Variants in PALM2AKAP2 observed in about 807,000 individuals in gnomAD.
PALM2AKAP2 encodes PALM2 and AKAP2 fusion.
PALM2AKAP2 carries 37 observed loss-of-function variants against 71.5 expected under a neutral mutation model. That is an observed-to-expected ratio of 0.52 (90% CI 0.40 to 0.68). PALM2AKAP2 has a LOEUF of 0.68. PALM2AKAP2 is among the 30% of genes least tolerant of loss of function. The probability of loss-of-function intolerance (pLI) is 0.00; values close to 1 mark genes in which losing one functional copy is unlikely to be tolerated. For missense variants in PALM2AKAP2, 1,224 were observed against 1,191.8 expected, an observed-to-expected ratio of 1.03 and a Z score of -0.40; for synonymous variants, 468 against 478.8, an observed-to-expected ratio of 0.98 and a Z score of 0.29.
rs191822355 is a variant in PALM2AKAP2, at chr9:109,870,365, T to C, written c.126+2794T>C. Among the ~76,000 whole-genome samples the C allele has an allele frequency of 7.7e-4, 118 of 152,328 alleles. 1 individual carries two copies. Among genetic ancestry groups the C allele is most frequent in the Non-Finnish European group, 1.0e-4 (7 of 68,024 alleles). ...CCCTGTAATCATCCAGTTTGCAGCC[T>C]AGTGGCCTCGCCCCTGGATGGAAGT... On this transcript the variant is annotated intron_variant, in intron 2 of 9. Coordinates refer to the PALM2AKAP2 transcript ENST00000302798.
intron 1 of PALM2AKAP2, among the ~76,000 whole-genome samples, chr9:110,079,813 TA>T (rs1834404551): frequency 6.6e-6 from 1 of 152,064 alleles, no homozygotes; most frequent in East Asian, 1.9e-4. Context: ...CTCACGCCTG[TA>T]ATCTCACCAC....
chr9:109,873,801 C>T (rs1389021881), intron 2 of PALM2AKAP2, among the ~76,000 whole-genome samples: 1 of 152,132 alleles, frequency 6.6e-6, no homozygotes, highest in Non-Finnish European at 1.5e-5. Flanking sequence ...ATCTGCCCCA[C>T]CCAGCCTCTC....
At chr9:109,672,107 C>G (rs1454576627) in intron 1 of PALM2AKAP2, among the ~76,000 whole-genome samples, 1 of 152,098 alleles carries the variant, frequency 6.6e-6, no homozygotes, top group African/African-American at 2.4e-5. Flanking sequence ...CTTTCTCTTG[C>G]CTGATTACCC....
At chr9:110,001,191 T>C (rs1832675200) in intron 6 of PALM2AKAP2, among the ~76,000 whole-genome samples, 1 of 152,242 alleles carries the variant, frequency 6.6e-6, no homozygotes, top group Non-Finnish European at 1.5e-5. Flanking sequence ...AATTTTTGTA[T>C]AAGGTGTAAG....
chr9:110,155,346 A>G (rs940407677), intron 2 of PALM2AKAP2, among the ~76,000 whole-genome samples: 3 of 152,236 alleles, frequency 2.0e-5, no homozygotes, highest in African/African-American at 4.8e-5. Flanking sequence ...CACAAAGGGC[A>G]TAATTGGAAA....
At chr9:110,146,312 CCAGCTGAATTCCCTGGTACAAG>C in intron 2 of PALM2AKAP2, among the ~76,000 whole-genome samples, 1 of 152,288 alleles carries the variant, frequency 6.6e-6, no homozygotes, top group East Asian at 1.9e-4. Context: ...ACGTTCCCCA[CCAGCTGAATTCCCTGGTACAAG>C]CAGGTTCTGC....
intron 7 of PALM2AKAP2, among the ~76,000 whole-genome samples, chr9:110,035,371 T>TATATTATATGTATA (rs1274397009): frequency 6.8e-5 from 5 of 73,866 alleles, no homozygotes; most frequent in African/African-American, 4.0e-4. Flanking sequence ...ATACATATTA[T>TATATTATATGTATA]ATACATATAT....
intron 6 of PALM2AKAP2, among the ~76,000 whole-genome samples, chr9:110,002,950 C>G (rs1324142546): frequency 6.6e-6 from 1 of 152,186 alleles, no homozygotes; most frequent in Non-Finnish European, 1.5e-5. Context: ...TGCTAGCGGT[C>G]TATCAATTTT....
At chr9:109,884,584 A>G (rs1327614413) in intron 3 of PALM2AKAP2, among the ~76,000 whole-genome samples, 1 of 152,190 alleles carries the variant, frequency 6.6e-6, no homozygotes, top group Non-Finnish European at 1.5e-5. Context: ...TGATCTTTAT[A>G]TAATAGGAAT....
At chr9:109,685,079 C>A (rs1443475755) in intron 1 of PALM2AKAP2, among the ~76,000 whole-genome samples, 1 of 152,026 alleles carries the variant, frequency 6.6e-6, no homozygotes, top group African/African-American at 2.4e-5. Context: ...CATTTATGTG[C>A]AATTCTAGAA....
In PALM2AKAP2 at chr9:110,088,358, CAG is replaced by C. The variant is rs1834619271; in HGVS notation, c.156+39506_156+39507del. Among the ~76,000 whole-genome samples, 4 of 152,316 alleles carry C rather than the reference CAG, an allele frequency of 2.6e-5. No homozygotes were observed. The South Asian group carries it at 8.3e-4, about 32-fold the overall frequency. The stretch of plus-strand genomic sequence containing the variant: ...CATCTGATTGTGGAAAGCAACCAAT[CAG>C]AGGCTGCAGTGAAGTTACAAAGTTA... On this transcript the variant is annotated intron_variant, in intron 1 of 3. Transcript: ENST00000374525.
At chr9:109,753,761 A>G (rs889417968) in intron 1 of PALM2AKAP2, among the ~76,000 whole-genome samples, 1 of 152,184 alleles carries the variant, frequency 6.6e-6, no homozygotes, top group Non-Finnish European at 1.5e-5. Context: ...AAAAGGATTA[A>G]CTAAGACTAA....
At chr9:110,032,542 T>A (rs1448086799) in intron 7 of PALM2AKAP2, among the ~76,000 whole-genome samples, 1 of 151,624 alleles carries the variant, frequency 6.6e-6, no homozygotes, top group East Asian at 1.9e-4. Flanking sequence ...AATACAAAAA[T>A]TAGCTGGGCA....
intron 7 of PALM2AKAP2, among the ~76,000 whole-genome samples, chr9:110,029,809 G>GTC (rs1390452813): frequency 2.0e-5 from 3 of 152,190 alleles, no homozygotes; most frequent in Admixed American, 1.3e-4. Context: ...GAACCAGTTT[G>GTC]TCTCTCCAGT....
At chr9:110,129,972 A>G (rs1835697665) in intron 1 of PALM2AKAP2, among the ~76,000 whole-genome samples, 1 of 152,168 alleles carries the variant, frequency 6.6e-6, no homozygotes, top group Non-Finnish European at 1.5e-5. Flanking sequence ...GGTTGGGGAA[A>G]GATTAGGGAG....
intron 6 of PALM2AKAP2, among the ~76,000 whole-genome samples, chr9:110,008,445 A>C (rs1010789184): frequency 6.6e-6 from 1 of 151,094 alleles, no homozygotes; most frequent in Non-Finnish European, 1.5e-5. Flanking sequence ...ATAATAATTA[A>C]ATTTATTTAA....
chr9:110,124,116 G>A (rs1019030413), intron 1 of PALM2AKAP2, among the ~76,000 whole-genome samples: 6 of 152,230 alleles, frequency 3.9e-5, no homozygotes. Flanking sequence ...TTTAGATGCT[G>A]TAAATAGTTG....
At position 109,764,152 on chromosome 9, in the gene PALM2AKAP2, C is replaced by A. The variant is rs547497434; in HGVS notation, c.6-16336C>A. On this transcript the variant is annotated intron_variant, in intron 1 of 6. Coordinates refer to the PALM2AKAP2 transcript ENST00000374531. ...CTCCTTGCCTGCAGTCTTCACACAG[C>A]AACCCATTCTCAGTAAAGTATCCCC... Among the ~76,000 whole-genome samples the A allele has an allele frequency of 2.8e-4, 42 of 152,288 alleles. 1 individual carries two copies. The South Asian group carries it at 7.0e-3, about 26-fold the overall frequency.
chr9:109,906,323 C>T (rs926965483), intron 3 of PALM2AKAP2, among the ~76,000 whole-genome samples: 3 of 152,196 alleles, frequency 2.0e-5, no homozygotes, highest in East Asian at 3.8e-4. Context: ...CTCAGCCTCC[C>T]CAGTAGCTGG....
Sources: gnomAD v4.1 joint callset for allele counts (sites outside exome capture counted in the v4.1 genomes callset) on GRCh38, gnomAD v4.1.1 for gene constraint, MANE v1.5 for transcripts, NCBI Gene and HGNC (gene_info 2026-07-23, HGNC 2026-07-21) for gene names.